Variants in ZHX2 observed in about 807,000 individuals in gnomAD.
ZHX2 encodes the protein zinc fingers and homeoboxes 2.
Under a neutral mutation model 21.9 loss-of-function variants are expected in ZHX2, and 6 were observed. The observed-to-expected ratio is 0.27, with a 90% CI of 0.15 to 0.54. The LOEUF (loss-of-function observed/expected upper bound fraction) is 0.54, where lower values mean the gene tolerates loss of function less well. Among genes scored for constraint, ZHX2 ranks in the 20% least tolerant of loss-of-function variants. The probability of loss-of-function intolerance (pLI) is 0.95; values close to 1 mark genes in which losing one functional copy is unlikely to be tolerated. For missense variants in ZHX2, 908 were observed against 1,090.7 expected, an observed-to-expected ratio of 0.83 and a Z score of 2.36; for synonymous variants, 434 against 437.1, an observed-to-expected ratio of 0.99 and a Z score of 0.09.
At chr8:122,797,840 C>T (rs1013856650) in intron 1 of ZHX2, among the ~76,000 whole-genome samples, 1 of 152,236 alleles carries the variant, frequency 6.6e-6, no homozygotes, top group Non-Finnish European at 1.5e-5. Context: ...TAATGAGCCT[C>T]TAATTACTGC....
chr8:122,826,278 C>A (rs1035335672), intron 1 of ZHX2, among the ~76,000 whole-genome samples: 10 of 152,174 alleles, frequency 6.6e-5, no homozygotes, highest in Non-Finnish European at 1.0e-4. Context: ...CGGTTTTTCC[C>A]AAACTACTAG....
At chr8:122,934,926 A>G (rs1241784989) in intron 2 of ZHX2, among the ~76,000 whole-genome samples, 4 of 152,154 alleles carry the variant, frequency 2.6e-5, no homozygotes, top group Non-Finnish European at 5.9e-5. Context: ...GACCTCAGGT[A>G]ATCCACCCTC....
chr8:122,908,879 C>T (rs1471022677), intron 2 of ZHX2, among the ~76,000 whole-genome samples: 2 of 152,204 alleles, frequency 1.3e-5, no homozygotes, highest in Non-Finnish European at 2.9e-5. Context: ...TCCCAGGCTA[C>T]CTGAGCTCCA....
chr8:122,963,767 T>C (rs1311031557), intron 3 of ZHX2, among the ~76,000 whole-genome samples: 1 of 152,226 alleles, frequency 6.6e-6, no homozygotes, highest in East Asian at 1.9e-4. Flanking sequence ...ATGGGATGTG[T>C]TTCCATTTGT....
chr8:122,941,423 C>G (rs1812840808), intron 2 of ZHX2, among the ~76,000 whole-genome samples: 2 of 152,222 alleles, frequency 1.3e-5, no homozygotes, highest in Admixed American at 6.5e-5. Context: ...TACGTCTCAA[C>G]TTTCCCAAAT....
At chr8:122,802,428 T>G (rs1451530274) in intron 1 of ZHX2, among the ~76,000 whole-genome samples, 1 of 152,074 alleles carries the variant, frequency 6.6e-6, no homozygotes, top group Non-Finnish European at 1.5e-5. Flanking sequence ...GGTAGCAGGG[T>G]TCCTGCAGGT....
intron 1 of ZHX2, among the ~76,000 whole-genome samples, chr8:122,853,728 T>A (rs571259120): frequency 6.6e-6 from 1 of 152,098 alleles, no homozygotes; most frequent in South Asian, 2.1e-4. Context: ...AAACACCGCC[T>A]TCTCCATGCA....
At chr8:122,969,837 TCTC>T in intron 3 of ZHX2, among the ~76,000 whole-genome samples, 1 of 152,282 alleles carries the variant, frequency 6.6e-6, no homozygotes, top group East Asian at 1.9e-4. Context: ...TAGAGAAAGT[TCTC>T]CTGGGAAAAT....
chr8:122,797,000 C>A (rs1817625820), intron 1 of ZHX2, among the ~76,000 whole-genome samples: 1 of 152,122 alleles, frequency 6.6e-6, no homozygotes, highest in African/African-American at 2.4e-5. Context: ...TTGGCATTGT[C>A]AATGTCTTTC....
Position 122,942,218 on chromosome 8 carries a change from G to A in ZHX2, c.-219-9074G>A, listed in dbSNP as rs532592459. On this transcript the variant is annotated intron_variant, in intron 2 of 3. Coordinates refer to ENST00000314393, the MANE Select transcript of ZHX2 (RefSeq NM_014943.5). ...TATCTACCCAGGAGAATGCCTTCTC[G>A]GGGGGTGTCATGTTGTGATTTTAAA... is the stretch of plus-strand genomic sequence containing the variant. Among the ~76,000 whole-genome samples, 4 of 152,006 alleles carry A rather than the reference G, an allele frequency of 2.6e-5. No individual in the cohort carries two copies. The East Asian group carries it at 5.8e-4, about 22-fold the overall frequency.
chr8:122,795,784 G>A (rs1291134620), intron 1 of ZHX2, among the ~76,000 whole-genome samples: 1 of 152,164 alleles, frequency 6.6e-6, no homozygotes, highest in Non-Finnish European at 1.5e-5. Context: ...ACAGTAAAAG[G>A]CAAGGCTGGG....
chr8:122,837,809 A>G (rs1818537717), intron 1 of ZHX2, among the ~76,000 whole-genome samples: 2 of 152,198 alleles, frequency 1.3e-5, no homozygotes, highest in African/African-American at 4.8e-5. Flanking sequence ...GTCGGTGCTT[A>G]ATGGCTTTTA....
rs572271890 is a variant in ZHX2 at position 122,849,131 on chromosome 8, G to A, written c.-282-14346G>A. On this transcript the variant is annotated intron_variant, in intron 1 of 3. Transcript: ENST00000314393. Reference sequence around the variant, plus strand: ...TTTTCAAGGTGGGAAGGTGAGAATCGATAGTGGGGTGGGCCTCTGGCCTCC... The same window carrying A: ...TTTTCAAGGTGGGAAGGTGAGAATCAATAGTGGGGTGGGCCTCTGGCCTCC... Among the ~76,000 whole-genome samples the A allele has an allele frequency of 1.6e-4, 24 of 152,304 alleles. 1 individual carries two copies. Among genetic ancestry groups the A allele is most frequent in the Admixed American group, 5.2e-4 (8 of 15,300 alleles).
At chr8:122,796,615 T>G (rs1350528181) in intron 1 of ZHX2, among the ~76,000 whole-genome samples, 1 of 152,208 alleles carries the variant, frequency 6.6e-6, no homozygotes, top group Admixed American at 6.5e-5. Flanking sequence ...TTAGGTTCTT[T>G]GTGGAAACGC....
intron 2 of ZHX2, among the ~76,000 whole-genome samples, chr8:122,937,939 T>TTTTTC (rs1163363637): frequency 2.5e-5 from 3 of 119,934 alleles, no homozygotes; most frequent in Non-Finnish European, 5.3e-5. Flanking sequence ...TTTGGTTTTT[T>TTTTTC]TTTTTTTTTT....
chr8:122,968,109 C>T (rs1327283404), intron 3 of ZHX2, among the ~76,000 whole-genome samples: 1 of 152,128 alleles, frequency 6.6e-6, no homozygotes, highest in Non-Finnish European at 1.5e-5. Context: ...TTCAAATCCA[C>T]CCCTACACCC....
intron 3 of ZHX2, among the ~76,000 whole-genome samples, chr8:122,961,862 C>G (rs1233629986): frequency 6.6e-6 from 1 of 152,160 alleles, no homozygotes; most frequent in East Asian, 1.9e-4. Context: ...AGGGTTCTAG[C>G]ATTAGTACCA....
Position 122,821,933 on chromosome 8 carries a change from A to G in ZHX2, c.-283+39987A>G, listed in dbSNP as rs907515448. On this transcript the variant is annotated intron_variant, in intron 1 of 3. Coordinates refer to ENST00000314393, the MANE Select transcript of ZHX2 (RefSeq NM_014943.5). ...TTGGCCAGGCTGGTCTTGAACTCCTAACTTCAGGTGATCCACCCTCCTTGG... is the reference window on the plus strand; with the variant it reads ...TTGGCCAGGCTGGTCTTGAACTCCTGACTTCAGGTGATCCACCCTCCTTGG... 2.0e-5 allele frequency among the ~76,000 whole-genome samples: 3 copies of G among 151,928 alleles called. No homozygotes were observed. The South Asian group carries it at 6.2e-4, about 32-fold the overall frequency.
intron 2 of ZHX2, among the ~76,000 whole-genome samples, chr8:122,929,022 C>T (rs1445164330): frequency 1.3e-5 from 2 of 152,126 alleles, no homozygotes; most frequent in Non-Finnish European, 2.9e-5. Flanking sequence ...GTGCACTTTT[C>T]TTCAATCAAT....
Sources: gnomAD v4.1 joint callset for allele counts (sites outside exome capture counted in the v4.1 genomes callset) on GRCh38, gnomAD v4.1.1 for gene constraint, MANE v1.5 for transcripts, NCBI Gene and HGNC (gene_info 2026-07-23, HGNC 2026-07-21) for gene names.